TIAM1: variants seen among roughly 807,000 people sequenced by gnomAD.
TIAM1 encodes rho guanine nucleotide exchange factor TIAM1.
Under a neutral mutation model 163.5 loss-of-function variants are expected in TIAM1, and 65 were observed. That is an observed-to-expected ratio of 0.40 (90% CI 0.33 to 0.49). TIAM1 has a LOEUF of 0.49. TIAM1 is among the 20% of genes least tolerant of loss of function. The probability of loss-of-function intolerance (pLI) is 0.77; values close to 1 mark genes in which losing one functional copy is unlikely to be tolerated. For missense variants in TIAM1, 1,789 were observed against 2,044.7 expected (o/e 0.87, Z 2.41); for synonymous variants, 833 against 810.1 (o/e 1.03, Z -0.48).
chr21:31,348,414 C>T (rs1280768520), upstream of TIAM1, among the ~76,000 whole-genome samples: 2 of 152,094 alleles, frequency 1.3e-5, no homozygotes, highest in Middle Eastern at 3.2e-3. Context: ...GAAGAGTCTC[C>T]TCCTCCTCCT....
In TIAM1 at chr21:31,536,135, C is replaced by T. The variant is rs1424424785; in HGVS notation, c.-422+22792G>A. On this transcript the variant is annotated intron_variant, in intron 1 of 28. Coordinates refer to the TIAM1 transcript ENST00000286827. ...TGCTTCCTGGGCCCACACCAGGCACCAGGCCTGTTCAAAGCATCTACAGGA... is the reference window on the plus strand; with the variant it reads ...TGCTTCCTGGGCCCACACCAGGCACTAGGCCTGTTCAAAGCATCTACAGGA... 2.6e-5 allele frequency among the ~76,000 whole-genome samples: 4 copies of T among 152,184 alleles called. No homozygotes were observed. In the South Asian group the frequency reaches 8.3e-4, roughly 32 times the overall value.
chr21:31,394,371 A>G (rs2077016255), intron 2 of TIAM1, among the ~76,000 whole-genome samples: 1 of 152,206 alleles, frequency 6.6e-6, no homozygotes, highest in South Asian at 2.1e-4. Context: ...GAACAGGCAG[A>G]GCACAAAAGA....
intron 1 of TIAM1, among the ~76,000 whole-genome samples, chr21:31,467,758 G>T (rs1325673275): frequency 6.6e-6 from 1 of 152,032 alleles, no homozygotes; most frequent in Non-Finnish European, 1.5e-5. Flanking sequence ...AGGGTTCAAG[G>T]TTACAGAATA....
At chr21:31,126,967 A>G (rs564929881) in intron 26 of TIAM1, 98 bp downstream of exon 26, 1 of 1,216,046 alleles carries the variant, frequency 8.2e-7, no homozygotes, top group South Asian at 1.3e-5. Context: ...GTTACAGTAC[A>G]AACAACGTAC....
At chr21:31,448,421 A>G (rs1450602262) in intron 2 of TIAM1, among the ~76,000 whole-genome samples, 1 of 152,116 alleles carries the variant, frequency 6.6e-6, no homozygotes, top group Non-Finnish European at 1.5e-5. Context: ...TCTGGCCAAC[A>G]TGGCAAAACC....
chr21:31,487,333 A>C lies in TIAM1; in HGVS notation c.-421-23298T>G, dbSNP rs2046304442. ...CACGTCCCAGTCTAAGCAACTTATG[A>C]CATCCAGTTTTCCTTTGCCAGAAAC... On this transcript the variant is annotated intron_variant, in intron 1 of 28. Coordinates refer to the TIAM1 transcript ENST00000286827. Among the ~76,000 whole-genome samples the C allele has an allele frequency of 2.0e-5, 3 of 152,250 alleles. No homozygotes were observed. The South Asian group carries it at 6.2e-4, about 32-fold the overall frequency.
intron 2 of TIAM1, among the ~76,000 whole-genome samples, chr21:31,284,709 A>C (rs2073725001): frequency 6.6e-6 from 1 of 151,432 alleles, no homozygotes; most frequent in African/African-American, 2.4e-5. Context: ...TTTTTTTAGT[A>C]GTGATGGGGT....
At chr21:31,324,538 A>C (rs1312098611) in intron 2 of TIAM1, among the ~76,000 whole-genome samples, 3 of 152,188 alleles carry the variant, frequency 2.0e-5, no homozygotes, top group Non-Finnish European at 4.4e-5. Flanking sequence ...TGAAGAATCC[A>C]AAGCACAGAG....
chr21:31,420,586 C>G (rs1346814730), intron 2 of TIAM1, among the ~76,000 whole-genome samples: 3 of 152,190 alleles, frequency 2.0e-5, no homozygotes, highest in Admixed American at 6.5e-5. Context: ...AATTGACCAC[C>G]TGACTTGTTT....
chr21:31,242,089 G>A (rs2071211958), intron 6 of TIAM1, among the ~76,000 whole-genome samples: 1 of 152,144 alleles, frequency 6.6e-6, no homozygotes, highest in African/African-American at 2.4e-5. Context: ...GTCCCATGTT[G>A]AGTGTACTAG....
intron 2 of TIAM1, among the ~76,000 whole-genome samples, chr21:31,386,741 G>A (rs935694700): frequency 3.3e-5 from 5 of 152,268 alleles, no homozygotes; most frequent in East Asian, 1.9e-4. Flanking sequence ...GGGAGGGCAC[G>A]GGTGGAAGGA....
chr21:31,246,697 G>A (rs1388605917), intron 5 of TIAM1, among the ~76,000 whole-genome samples: 1 of 152,160 alleles, frequency 6.6e-6, no homozygotes, highest in African/African-American at 2.4e-5. Flanking sequence ...CAGATCAATG[G>A]AAAGGTCACA....
chr21:31,268,869 T>G (rs939658044), intron 3 of TIAM1, among the ~76,000 whole-genome samples: 2 of 152,230 alleles, frequency 1.3e-5, no homozygotes, highest in African/African-American at 4.8e-5. Flanking sequence ...GTTCTTTATT[T>G]TTTTAAAGTA....
chr21:31,488,418 A>G (rs1417592905), intron 1 of TIAM1, among the ~76,000 whole-genome samples: 1 of 152,210 alleles, frequency 6.6e-6, no homozygotes, highest in Non-Finnish European at 1.5e-5. Context: ...TGTGATCCTC[A>G]TATGTACAGA....
At chr21:31,402,349 G>A (rs2077179944) in intron 2 of TIAM1, among the ~76,000 whole-genome samples, 1 of 152,144 alleles carries the variant, frequency 6.6e-6, no homozygotes, top group Non-Finnish European at 1.5e-5. Flanking sequence ...GTAAATCTGA[G>A]ATGTCGTCAG....
chr21:31,282,286 G>T (rs1285585916), intron 2 of TIAM1, among the ~76,000 whole-genome samples: 1 of 152,180 alleles, frequency 6.6e-6, no homozygotes, highest in Non-Finnish European at 1.5e-5. Context: ...ATCCTTCCAC[G>T]GAGGCTCAGT....
intron 2 of TIAM1, among the ~76,000 whole-genome samples, chr21:31,307,298 G>A (rs1312968101): frequency 6.6e-6 from 1 of 152,162 alleles, no homozygotes; most frequent in Non-Finnish European, 1.5e-5. Flanking sequence ...CCCTCAGCCA[G>A]CAGGTTGTGC....
intron 1 of TIAM1, among the ~76,000 whole-genome samples, chr21:31,536,259 C>T (rs932633236): frequency 2.0e-5 from 3 of 152,208 alleles, no homozygotes; most frequent in African/African-American, 4.8e-5. Flanking sequence ...CAAATTGCAT[C>T]GTCCGAGGTC....
chr21:31,271,918 T>A (rs935198845), intron 3 of TIAM1, among the ~76,000 whole-genome samples: 3 of 152,156 alleles, frequency 2.0e-5, no homozygotes, highest in African/African-American at 7.2e-5. Flanking sequence ...AAGTGATAAG[T>A]TAAACTTTTC....
Sources: gnomAD v4.1 joint callset for allele counts (sites outside exome capture counted in the v4.1 genomes callset) on GRCh38, gnomAD v4.1.1 for gene constraint, MANE v1.5 for transcripts, NCBI Gene and HGNC (gene_info 2026-07-23, HGNC 2026-07-21) for gene names.